Variants in PRICKLE2 observed in about 807,000 individuals in gnomAD.
PRICKLE2 encodes the protein prickle planar cell polarity protein 2.
Under a neutral mutation model 81.4 loss-of-function variants are expected in PRICKLE2, and 21 were observed. The ratio of observed to expected loss-of-function variants is 0.26; its 90% CI spans 0.18 to 0.37. The LOEUF (loss-of-function observed/expected upper bound fraction) is 0.37, where lower values mean the gene tolerates loss of function less well. PRICKLE2 is among the 10% of genes least tolerant of loss of function. PRICKLE2 has a pLI of 1.00. For synonymous variants in PRICKLE2, 456 were observed against 421.5 expected (o/e 1.08, Z -1.00); for missense variants, 940 against 1,109.0 (o/e 0.85, Z 2.16).
At chr3:64,137,178 C>T (rs1203158273) in intron 7 of PRICKLE2, among the ~76,000 whole-genome samples, 1 of 152,086 alleles carries the variant, frequency 6.6e-6, no homozygotes, top group Non-Finnish European at 1.5e-5. Flanking sequence ...CCTTACTCTC[C>T]ATATTTTAAA....
intron 1 of PRICKLE2, among the ~76,000 whole-genome samples, chr3:64,202,098 C>A (rs830397): frequency 0.22 from 33,566 of 152,108 alleles, 4,624 homozygotes; most frequent in East Asian, 0.47. Flanking sequence ...CTGTATGTCC[C>A]TCCTTGTGCC....
intron 1 of PRICKLE2, among the ~76,000 whole-genome samples, chr3:64,220,589 C>T (rs548158949): frequency 3.9e-5 from 6 of 152,142 alleles, no homozygotes; most frequent in Admixed American, 1.3e-4. Context: ...AACACTAGCA[C>T]CAGGAAGAAG....
chr3:64,237,246 G>A (rs1396933029), intron 2 of PRICKLE2, among the ~76,000 whole-genome samples: 1 of 152,160 alleles, frequency 6.6e-6, no homozygotes, highest in Non-Finnish European at 1.5e-5. Context: ...TCAGTGGAGG[G>A]TCAGTGTGAC....
At chr3:64,115,454 C>T (rs2076919252) in intron 7 of PRICKLE2, among the ~76,000 whole-genome samples, 1 of 152,030 alleles carries the variant, frequency 6.6e-6, no homozygotes, top group Non-Finnish European at 1.5e-5. Context: ...TTCAAGAGAC[C>T]CATCTCCCAT....
intron 2 of PRICKLE2, among the ~76,000 whole-genome samples, chr3:64,236,928 C>G (rs570924043): frequency 6.6e-6 from 1 of 152,334 alleles, no homozygotes; most frequent in South Asian, 2.1e-4. Flanking sequence ...GATCTTCCCA[C>G]TTATCATGCT....
chr3:64,139,249 T>C (rs780132329), intron 7 of PRICKLE2, among the ~76,000 whole-genome samples: 5 of 152,228 alleles, frequency 3.3e-5, no homozygotes, highest in African/African-American at 1.2e-4. Context: ...CCCTTTCAGA[T>C]TCCTGCTCCG....
chr3:64,200,415 C>T (rs896520978), intron 1 of PRICKLE2: 4 of 152,112 alleles, frequency 2.6e-5, no homozygotes, highest in Admixed American at 1.3e-4. Flanking sequence ...AATAATGATG[C>T]TCTGATTACT....
At chr3:64,166,588 T>C (rs1223651837) in intron 2 of PRICKLE2, among the ~76,000 whole-genome samples, 1 of 152,182 alleles carries the variant, frequency 6.6e-6, no homozygotes, top group East Asian at 1.9e-4. Flanking sequence ...TGATAACCAC[T>C]CAAAATTATT....
intron 2 of PRICKLE2, among the ~76,000 whole-genome samples, chr3:64,237,183 T>C (rs751669864): frequency 5.3e-5 from 8 of 152,110 alleles, no homozygotes; most frequent in African/African-American, 1.2e-4. Flanking sequence ...AGAGGGCGTA[T>C]GTTACAATGT....
chr3:64,117,363 G>A (rs965070583), intron 7 of PRICKLE2, among the ~76,000 whole-genome samples: 3 of 152,110 alleles, frequency 2.0e-5, no homozygotes, highest in African/African-American at 7.2e-5. Context: ...AATCAGGCAA[G>A]AGAAAGAAAT....
intron 7 of PRICKLE2, among the ~76,000 whole-genome samples, chr3:64,142,676 G>C (rs1489604482): frequency 1.3e-5 from 2 of 152,290 alleles, no homozygotes; most frequent in African/African-American, 4.8e-5. Context: ...GGAGAAGTTA[G>C]TAGCCACAAC....
At chr3:64,178,190 G>A (rs190458343) in intron 2 of PRICKLE2, among the ~76,000 whole-genome samples, 164 of 152,260 alleles carry the variant, frequency 1.1e-3, no homozygotes, top group Admixed American at 2.3e-3. Context: ...TCAGCCGACC[G>A]TATATTGTCT....
intron 7 of PRICKLE2, among the ~76,000 whole-genome samples, chr3:64,128,670 C>T (rs1288098870): frequency 3.5e-5 from 5 of 144,750 alleles, no homozygotes; most frequent in African/African-American, 5.2e-5. Flanking sequence ...AATGTGAACC[C>T]GGGAGGGAGA....
At chr3:64,119,850 T>G (rs1575559334) in intron 7 of PRICKLE2, among the ~76,000 whole-genome samples, 2 of 152,352 alleles carry the variant, frequency 1.3e-5, no homozygotes, top group African/African-American at 2.4e-5. Context: ...ATGTGGGGCA[T>G]GTACACCATG....
chr3:64,257,920 G>C (rs1193291421), intron 2 of PRICKLE2, among the ~76,000 whole-genome samples: 2 of 152,034 alleles, frequency 1.3e-5, no homozygotes, highest in Non-Finnish European at 2.9e-5. Flanking sequence ...TCTTATAAAA[G>C]AGACCCCAAA....
intron 2 of PRICKLE2, among the ~76,000 whole-genome samples, chr3:64,248,002 A>C (rs2079384269): frequency 6.6e-6 from 1 of 152,194 alleles, no homozygotes. Context: ...TGGGCACCTC[A>C]ATCCACAAAA....
At chr3:64,229,402 G>A (rs984207979), upstream of PRICKLE2, among the ~76,000 whole-genome samples, 1 of 152,134 alleles carries the variant, frequency 6.6e-6, no homozygotes, top group African/African-American at 2.4e-5. Flanking sequence ...TAATGAGGAA[G>A]GCTGCAATGA....
intron 2 of PRICKLE2, among the ~76,000 whole-genome samples, chr3:64,239,133 T>C (rs221993): frequency 0.92 from 139,554 of 152,176 alleles, 64,203 homozygotes; most frequent in East Asian, 0.98. Flanking sequence ...GGGCCAGGCA[T>C]GCACCTCACA....
chr3:64,159,854 GCACTCAGT>G (rs2107039246), intron 4 of PRICKLE2, 78 bp downstream of exon 4: 1 of 1,524,536 alleles, frequency 6.6e-7, no homozygotes, highest in African/African-American at 1.4e-5. Context: ...CACATAGTAG[GCACTCAGT>G]AAAACAATTG....
Sources: allele counts gnomAD v4.1 joint callset (sites outside exome capture counted in the v4.1 genomes callset), GRCh38; gene constraint gnomAD v4.1.1; transcripts MANE v1.5; gene names NCBI Gene and HGNC (gene_info 2026-07-23, HGNC 2026-07-21).